Variants in GPC5 observed in about 807,000 individuals in gnomAD.
The protein encoded by GPC5 is glypican-5.
In GPC5, 47 loss-of-function variants were observed where a neutral mutation model predicts 53.9. The observed-to-expected ratio is 0.87, with a 90% CI of 0.69 to 1.11. The LOEUF (loss-of-function observed/expected upper bound fraction) is 1.11, where lower values mean the gene tolerates loss of function less well. Among genes scored for constraint, GPC5 ranks in the 50% most tolerant of loss-of-function variants. The pLI is 0.00. For missense variants in GPC5, 748 were observed against 713.1 expected (o/e 1.05, Z -0.56); for synonymous variants, 286 against 263.3 (o/e 1.09, Z -0.84).
At chr13:92,010,205 C>A (rs1274125966) in intron 6 of GPC5, among the ~76,000 whole-genome samples, 1 of 152,112 alleles carries the variant, frequency 6.6e-6, no homozygotes, top group Non-Finnish European at 1.5e-5. Context: ...TGCTTCAATA[C>A]GTTTATCAGC....
At chr13:91,558,840 A>G (rs9560825) in intron 2 of GPC5, among the ~76,000 whole-genome samples, 9,485 of 152,066 alleles carry the variant, frequency 0.062, 393 homozygotes, top group Non-Finnish European at 0.089. Flanking sequence ...CTCAGTCATG[A>G]GGGGGTTGGA....
At chr13:92,842,658 T>G (rs189389169) in intron 7 of GPC5, among the ~76,000 whole-genome samples, 15 of 124,236 alleles carry the variant, frequency 1.2e-4, no homozygotes, top group African/African-American at 2.2e-4. Flanking sequence ...CATAATTGTT[T>G]TTTTTTTTTT....
chr13:92,568,783 G>T (rs1353339674), intron 7 of GPC5, among the ~76,000 whole-genome samples: 1 of 152,052 alleles, frequency 6.6e-6, no homozygotes, highest in East Asian at 1.9e-4. Context: ...TTAGAACTGG[G>T]AAAATCAGTG....
At chr13:92,678,996 T>C (rs759616257) in intron 7 of GPC5, among the ~76,000 whole-genome samples, 11 of 152,178 alleles carry the variant, frequency 7.2e-5, no homozygotes, top group African/African-American at 2.2e-4. Flanking sequence ...ATTAATATAA[T>C]GGAAAAGGTG....
intron 7 of GPC5, among the ~76,000 whole-genome samples, chr13:92,844,750 C>A (rs1878555058): frequency 6.6e-6 from 1 of 152,042 alleles, no homozygotes; most frequent in Non-Finnish European, 1.5e-5. Context: ...AAATAAATGG[C>A]AGTTATATAT....
At chr13:91,663,480 CAG>C (rs1347837988) in intron 2 of GPC5, among the ~76,000 whole-genome samples, 2 of 152,098 alleles carry the variant, frequency 1.3e-5, no homozygotes, top group Non-Finnish European at 2.9e-5. Flanking sequence ...TTTTTAGAGA[CAG>C]GGTCTCACTC....
At chr13:92,727,202 CTT>C (rs533737141) in intron 7 of GPC5, among the ~76,000 whole-genome samples, 116 of 151,596 alleles carry the variant, frequency 7.7e-4, no homozygotes, top group Admixed American at 4.0e-3. Flanking sequence ...TATCCATGGT[CTT>C]TGAAATGTGT....
intron 5 of GPC5, among the ~76,000 whole-genome samples, chr13:91,824,509 C>T (rs1394997370): frequency 6.6e-6 from 1 of 152,082 alleles, no homozygotes. Context: ...CCAGTACTGG[C>T]TGAGATAATT....
intron 1 of GPC5, among the ~76,000 whole-genome samples, chr13:91,446,566 A>G (rs1449890861): frequency 6.6e-6 from 1 of 152,174 alleles, no homozygotes; most frequent in East Asian, 1.9e-4. Flanking sequence ...GCATAATAGT[A>G]TCTGGGTTCA....
At chr13:92,512,951 C>A (rs890034834) in intron 7 of GPC5, among the ~76,000 whole-genome samples, 16 of 152,166 alleles carry the variant, frequency 1.1e-4, no homozygotes, top group African/African-American at 3.6e-4. Flanking sequence ...GGGGCCAGCA[C>A]GTGATGCGAT....
intron 7 of GPC5, among the ~76,000 whole-genome samples, chr13:92,823,240 C>G (rs763571688): frequency 2.0e-5 from 3 of 152,114 alleles, no homozygotes; most frequent in Admixed American, 6.6e-5. Context: ...CAACAAACCT[C>G]CCTATCAGAC....
intron 6 of GPC5, among the ~76,000 whole-genome samples, chr13:92,137,270 G>A (rs1298805809): frequency 5.3e-5 from 8 of 152,192 alleles, no homozygotes; most frequent in Admixed American, 2.0e-4. Context: ...TCAAAATTGT[G>A]TCTTTTCCTC....
At chr13:91,734,917 T>C (rs2036781645) in intron 4 of GPC5, among the ~76,000 whole-genome samples, 1 of 151,198 alleles carries the variant, frequency 6.6e-6, no homozygotes, top group Non-Finnish European at 1.5e-5. Context: ...TTTTCAGTGT[T>C]AGCTGGGTTT....
intron 7 of GPC5, among the ~76,000 whole-genome samples, chr13:92,295,638 C>T (rs1445320718): frequency 6.6e-6 from 1 of 152,078 alleles, no homozygotes; most frequent in Non-Finnish European, 1.5e-5. Flanking sequence ...TTGGGAGCTC[C>T]AGTATTAGGT....
intron 7 of GPC5, among the ~76,000 whole-genome samples, chr13:92,632,459 T>C (rs1332611668): frequency 1.1e-5 from 1 of 87,434 alleles, no homozygotes; most frequent in Non-Finnish European, 2.4e-5. Context: ...GAGAAAATAT[T>C]CCACATATAT....
At chr13:91,901,922 A>G (rs1211187991) in intron 5 of GPC5, among the ~76,000 whole-genome samples, 1 of 152,012 alleles carries the variant, frequency 6.6e-6, no homozygotes, top group Non-Finnish European at 1.5e-5. Flanking sequence ...AACAACCACA[A>G]CATGGCCCCC....
chr13:92,264,599 T>C (rs1042062090), intron 7 of GPC5, among the ~76,000 whole-genome samples: 1 of 151,948 alleles, frequency 6.6e-6, no homozygotes, highest in African/African-American at 2.4e-5. Context: ...CTGGATGACT[T>C]ACAGTCAAGA....
intron 2 of GPC5, among the ~76,000 whole-genome samples, chr13:91,492,848 T>C (rs1469243879): frequency 1.3e-5 from 2 of 152,220 alleles, no homozygotes; most frequent in African/African-American, 4.8e-5. Flanking sequence ...ACCCACTCCG[T>C]GGACATACCT....
At chr13:91,429,829 T>C (rs1297681681) in intron 1 of GPC5, among the ~76,000 whole-genome samples, 1 of 152,222 alleles carries the variant, frequency 6.6e-6, no homozygotes, top group Non-Finnish European at 1.5e-5. Flanking sequence ...CAGTTTGCCT[T>C]CTCCTCTTCC....
Sources: gnomAD v4.1 joint callset for allele counts (sites outside exome capture counted in the v4.1 genomes callset) on GRCh38, gnomAD v4.1.1 for gene constraint, MANE v1.5 for transcripts, NCBI Gene and HGNC (gene_info 2026-07-23, HGNC 2026-07-21) for gene names.